The following GIMD1 variants were observed in gnomAD, a reference collection of about 807,000 sequenced individuals.
The protein encoded by GIMD1 is GIMAP family P-loop NTPase domain containing 1, also known as GTPase IMAP family member GIMD1.
A neutral mutation model predicts 14.9 loss-of-function variants in GIMD1; 14 were observed. The ratio of observed to expected loss-of-function variants is 0.94; its 90% CI spans 0.62 to 1.47. GIMD1 has a LOEUF of 1.47. GIMD1 is among the 40% of genes most tolerant of loss of function. The pLI is 0.00. For synonymous variants in GIMD1, 91 were observed against 90.5 expected (o/e 1.01, Z -0.03); for missense variants, 272 against 255.3 (o/e 1.07, Z -0.44).
intron 2 of GIMD1, among the ~76,000 whole-genome samples, chr4:106,363,405 A>G (rs1398769482): frequency 6.6e-6 from 1 of 152,078 alleles, no homozygotes; most frequent in Non-Finnish European, 1.5e-5. Context: ...TTTAGAACCC[A>G]TCTCGTAATC....
In GIMD1 at chr4:106,367,083, A is replaced by G. The variant is rs1013543466; in HGVS notation, c.353T>C (p.Phe118Ser). ...TGGGTCAGTTACTTCCTGCCCACAG[A>G]AAGGCACATCTGCTCTCTGAACCAG... ...ALLVQRADVP[F>S]CGQEVTDPVQ... is the part of the protein sequence containing the mutation. The change falls in exon 2 of 3, where the codon TTC becomes TCC. Residue 118 changes from phenylalanine to serine, a missense_variant. By Grantham distance (155) the Phe-to-Ser change is radical. Coordinates refer to ENST00000638719, the MANE Select transcript of GIMD1 (RefSeq NM_001195138.2). 2.5e-5 allele frequency: 39 copies of G among 1,534,284 alleles called. No homozygotes were observed. The highest frequency in any genetic ancestry group is 3.2e-5 in the Non-Finnish European group (37 of 1,145,986).
At chr4:106,364,248 G>A (rs959911121) in intron 2 of GIMD1, among the ~76,000 whole-genome samples, 3 of 152,068 alleles carry the variant, frequency 2.0e-5, no homozygotes, top group African/African-American at 2.4e-5. Context: ...AGAGACAACC[G>A]GGAGGCATGG....
At chr4:106,362,389 A>G (rs1391575215) in intron 2 of GIMD1, among the ~76,000 whole-genome samples, 1 of 152,088 alleles carries the variant, frequency 6.6e-6, no homozygotes, top group African/African-American at 2.4e-5. Context: ...CTCACATAAA[A>G]ATCCAAAAGC....
intron 2 of GIMD1, among the ~76,000 whole-genome samples, chr4:106,365,726 T>A (rs970291732): frequency 6.6e-6 from 1 of 152,126 alleles, no homozygotes; most frequent in Admixed American, 6.6e-5. Flanking sequence ...AAATTTAGAT[T>A]GACTCAGACT....
intron 2 of GIMD1, among the ~76,000 whole-genome samples, chr4:106,358,676 T>C (rs1367018944): frequency 6.6e-6 from 1 of 151,892 alleles, no homozygotes; most frequent in Non-Finnish European, 1.5e-5. Flanking sequence ...TTCTCTCTTT[T>C]ATTTTACTAT....
intron 2 of GIMD1, 128 bp from the exon 3 acceptor site, chr4:106,358,571 C>A: frequency 3.0e-6 from 2 of 670,052 alleles, no homozygotes; most frequent in Non-Finnish European, 2.3e-6. Flanking sequence ...AGCTGATATA[C>A]AATGTAGGAA....
chr4:106,366,421 A>C (rs1770700112), intron 2 of GIMD1, among the ~76,000 whole-genome samples: 1 of 152,158 alleles, frequency 6.6e-6, no homozygotes, highest in African/African-American at 2.4e-5. Flanking sequence ...TTTACCAGTA[A>C]TTAAGCACTG....
At chr4:106,363,699 T>C (rs950504636) in intron 2 of GIMD1, among the ~76,000 whole-genome samples, 20 of 152,120 alleles carry the variant, frequency 1.3e-4, no homozygotes, top group Admixed American at 6.6e-5. Context: ...AGGCTTGTTT[T>C]TTTAACTAAA....
intron 1 of GIMD1, 35 bp from the exon 2 acceptor site, chr4:106,367,472 G>A (rs1264680681): frequency 2.7e-6 from 4 of 1,473,866 alleles, no homozygotes; most frequent in East Asian, 5.0e-5. Flanking sequence ...CGCATAATTA[G>A]GCTTCTACAT....
At chr4:106,365,175 C>G (rs1464773609) in intron 2 of GIMD1, among the ~76,000 whole-genome samples, 2 of 152,152 alleles carry the variant, frequency 1.3e-5, no homozygotes, top group Non-Finnish European at 2.9e-5. Flanking sequence ...TTGATTTCTA[C>G]CAGAAACATT....
intron 2 of GIMD1, among the ~76,000 whole-genome samples, chr4:106,362,505 G>T (rs1770628487): frequency 6.6e-6 from 1 of 151,954 alleles, no homozygotes. Flanking sequence ...AGTGCTAATG[G>T]GTATGAGTCC....
chr4:106,359,941 C>A (rs1231263710), intron 2 of GIMD1, among the ~76,000 whole-genome samples: 1 of 151,942 alleles, frequency 6.6e-6, no homozygotes, highest in African/African-American at 2.4e-5. Flanking sequence ...TCAATTTCTA[C>A]AACTTCATAG....
At position 106,360,678 on chromosome 4, in the gene GIMD1, G is replaced by A. The variant is rs547531891; in HGVS notation, c.394-2235C>T. ...TAATTATTTAAGCTAAGGTCATTAG[G>A]GTGAGTCCCTGTCTAGTATGATTGG... On this transcript the variant is annotated intron_variant, in intron 2 of 2. Coordinates refer to ENST00000638719, the MANE Select transcript of GIMD1 (RefSeq NM_001195138.2). Among the ~76,000 whole-genome samples the A allele has an allele frequency of 3.9e-5, 6 of 152,084 alleles. No individual in the cohort carries two copies. The East Asian group carries it at 1.2e-3, about 30-fold the overall frequency.
chr4:106,358,001 T>C lies in GIMD1; in HGVS notation c.*182A>G. 3 of 505,010 alleles carry C rather than the reference T, an allele frequency of 5.9e-6. No homozygotes were observed. Among genetic ancestry groups the C allele is most frequent in the Non-Finnish European group, 1.0e-5 (3 of 286,902 alleles). The allele number at this position is 505,010 out of a possible 1,614,324, so 31.3% of individuals were successfully genotyped here. A position where few individuals can be genotyped will look rare whatever the true frequency, so the allele number is the denominator to read the frequency against. On this transcript the variant is annotated 3_prime_UTR_variant, in exon 3 of 3. Transcript: ENST00000638719. The stretch of plus-strand genomic sequence containing the variant: ...AATTGCTATGTCATGGGATTTGCAT[T>C]AGAAATCTTGAATCATTGATGTTCT...
At chr4:106,364,897 T>C (rs1487689407) in intron 2 of GIMD1, among the ~76,000 whole-genome samples, 2 of 152,192 alleles carry the variant, frequency 1.3e-5, no homozygotes, top group Non-Finnish European at 2.9e-5. Context: ...TTGTCCCATA[T>C]GCTAAAACTA....
Position 106,357,992 on chromosome 4 carries a change from G to A in GIMD1, c.*191C>T, listed in dbSNP as rs73839448. On this transcript the variant is annotated 3_prime_UTR_variant, in exon 3 of 3. Transcript: ENST00000638719. ...TAGGAGTGTAATTGCTATGTCATGG[G>A]ATTTGCATTAGAAATCTTGAATCAT... 3,604 of 492,438 alleles carry A rather than the reference G, an allele frequency of 7.3e-3. 94 individuals carry two copies. Among genetic ancestry groups the A allele is most frequent in the African/African-American group, 0.06 (3,101 of 51,422 alleles). The allele number at this position is 492,438 out of a possible 1,614,324, so 30.5% of individuals were successfully genotyped here. A position where few individuals can be genotyped will look rare whatever the true frequency, so the allele number is the denominator to read the frequency against.
At chr4:106,365,521 G>A (rs1461105895) in intron 2 of GIMD1, among the ~76,000 whole-genome samples, 4 of 152,026 alleles carry the variant, frequency 2.6e-5, no homozygotes, top group African/African-American at 9.7e-5. Context: ...TTTCTGGGCT[G>A]TAACAGGGCC....
chr4:106,368,059 T>TA (rs1257288031), intron 1 of GIMD1, among the ~76,000 whole-genome samples: 3 of 152,182 alleles, frequency 2.0e-5, no homozygotes, highest in Admixed American at 6.5e-5. Flanking sequence ...TTTTTTTTTT[T>TA]ACAACCAGGG....
chr4:106,367,366 C>G lies in GIMD1; in HGVS notation c.70G>C (p.Ala24Pro). 6.5e-7 allele frequency: 1 copy of G among 1,535,930 alleles called. No individual in the cohort carries two copies. The highest frequency in any genetic ancestry group is 8.7e-7 in the Non-Finnish European group (1 of 1,146,800). Residue 24 changes from alanine (A) to proline (P), a missense_variant, in exon 2 of 3, where the codon GCT becomes CCT. Ala to Pro is a conservative substitution (Grantham distance 27). Transcript: ENST00000638719. Reference protein sequence around the residue: ...FGMTQSGKSSAGNILLGSTDF... With the variant: ...FGMTQSGKSSPGNILLGSTDF... ...GTGCTTCCCAGCAGAATGTTTCCAG[C>G]AGAACTTTTTCCACTCTGAGTCATG...
Sources: allele counts gnomAD v4.1 joint callset (sites outside exome capture counted in the v4.1 genomes callset), GRCh38; gene constraint gnomAD v4.1.1; transcripts MANE v1.5; gene names NCBI Gene and HGNC (gene_info 2026-07-23, HGNC 2026-07-21).